WDR7: variants seen among roughly 807,000 people sequenced by gnomAD.
The protein encoded by WDR7 is WD repeat domain 7, also known as WD repeat-containing protein 7.
In WDR7, 46 loss-of-function variants were observed where a neutral mutation model predicts 169.4. The observed-to-expected ratio is 0.27, with a 90% CI of 0.21 to 0.35. WDR7 has a LOEUF of 0.35. Among genes scored for constraint, WDR7 ranks in the 10% least tolerant of loss-of-function variants. The pLI is 1.00. For synonymous variants in WDR7, 612 were observed against 666.8 expected (o/e 0.92, Z 1.27); for missense variants, 1,534 against 1,859.3 (o/e 0.83, Z 3.22).
intron 21 of WDR7, among the ~76,000 whole-genome samples, chr18:56,887,278 AC>A (rs2046210128): frequency 6.6e-6 from 1 of 152,164 alleles, no homozygotes; most frequent in Admixed American, 6.5e-5. Flanking sequence ...CCTGGGCTGA[AC>A]GGCACTATGG....
At chr18:56,940,012 T>C (rs2047013146) in intron 25 of WDR7, among the ~76,000 whole-genome samples, 1 of 151,952 alleles carries the variant, frequency 6.6e-6, no homozygotes, top group Non-Finnish European at 1.5e-5. Flanking sequence ...AGTAACGTTA[T>C]GTTTATTTTT....
At chr18:56,754,009 T>C (rs1431605590) in intron 14 of WDR7, among the ~76,000 whole-genome samples, 1 of 151,934 alleles carries the variant, frequency 6.6e-6, no homozygotes, top group East Asian at 1.9e-4. Context: ...ATCTAAGAAA[T>C]ATATAGCAAT....
intron 1 of WDR7, among the ~76,000 whole-genome samples, chr18:56,664,158 C>T (rs997658140): frequency 2.0e-5 from 3 of 152,190 alleles, no homozygotes; most frequent in African/African-American, 7.2e-5. Flanking sequence ...TATTGCTTGT[C>T]TCTGCCATAT....
At chr18:56,671,698 C>T (rs1316258639) in intron 1 of WDR7, among the ~76,000 whole-genome samples, 3 of 152,352 alleles carry the variant, frequency 2.0e-5, no homozygotes, top group Admixed American at 2.0e-4. Flanking sequence ...AGAAAGACCA[C>T]AGGTTCTGAA....
chr18:56,789,346 A>G (rs1250623825), intron 19 of WDR7, among the ~76,000 whole-genome samples: 1 of 152,246 alleles, frequency 6.6e-6, no homozygotes, highest in African/African-American at 2.4e-5. Flanking sequence ...TAAGTAATAA[A>G]CAGAAAATTC....
intron 25 of WDR7, among the ~76,000 whole-genome samples, chr18:56,949,150 C>T (rs1218961458): frequency 6.7e-6 from 1 of 149,056 alleles, no homozygotes; most frequent in Non-Finnish European, 1.5e-5. Flanking sequence ...CTCTCTCTCT[C>T]TCTCTTTCCC....
At chr18:56,817,703 G>A (rs968036259) in intron 20 of WDR7, among the ~76,000 whole-genome samples, 2 of 151,378 alleles carry the variant, frequency 1.3e-5, no homozygotes, top group African/African-American at 2.4e-5. Flanking sequence ...TACAATTATA[G>A]AATTTGTTTT....
intron 1 of WDR7, among the ~76,000 whole-genome samples, chr18:56,666,377 A>G (rs1290746262): frequency 6.6e-6 from 1 of 151,126 alleles, no homozygotes; most frequent in African/African-American, 2.4e-5. Context: ...CTAATTTTTT[A>G]TTTTTAGTAG....
intron 27 of WDR7, among the ~76,000 whole-genome samples, chr18:57,026,552 T>C (rs2048368730): frequency 6.6e-6 from 1 of 152,236 alleles, no homozygotes; most frequent in Non-Finnish European, 1.5e-5. Flanking sequence ...CTCTATCTAC[T>C]GCTTAACTTT....
chr18:56,766,424 T>C (rs948706063), intron 16 of WDR7, among the ~76,000 whole-genome samples: 2 of 152,246 alleles, frequency 1.3e-5, no homozygotes, highest in African/African-American at 4.8e-5. Context: ...GGTGCTCTTT[T>C]ATTTCGGGAT....
chr18:56,711,583 C>T (rs578049468), intron 12 of WDR7, among the ~76,000 whole-genome samples: 4 of 151,980 alleles, frequency 2.6e-5, no homozygotes, highest in Non-Finnish European at 4.4e-5. Flanking sequence ...GACATTAAAA[C>T]TAGTCCTTAA....
chr18:57,007,656 A>G (rs2048082399), intron 26 of WDR7, among the ~76,000 whole-genome samples: 1 of 152,186 alleles, frequency 6.6e-6, no homozygotes, highest in Admixed American at 6.5e-5. Context: ...ATCCTCTTTT[A>G]AAGGTGATTT....
chr18:56,913,772 G>A (rs2046585268), intron 21 of WDR7, among the ~76,000 whole-genome samples: 3 of 151,806 alleles, frequency 2.0e-5, no homozygotes, highest in Non-Finnish European at 4.4e-5. Flanking sequence ...TCCAGCCTGG[G>A]TGACAGAGTG....
chr18:57,030,943 G>C (rs904647813), downstream of WDR7: 40 of 149,968 alleles, frequency 2.7e-4, no homozygotes, highest in Non-Finnish European at 4.6e-4. Flanking sequence ...AATGAACTAA[G>C]CTCACAATTG....
intron 12 of WDR7, chr18:56,699,755 T>C (rs2144658964): frequency 2.2e-6 from 2 of 909,236 alleles, no homozygotes; most frequent in Non-Finnish European, 2.6e-6. Context: ...GAAAAAGTAC[T>C]CAGCTAAATA....
intron 26 of WDR7, among the ~76,000 whole-genome samples, chr18:56,986,664 C>A (rs541020783): frequency 1.3e-5 from 2 of 152,074 alleles, no homozygotes; most frequent in African/African-American, 4.8e-5. Flanking sequence ...AATCTAGCTG[C>A]TTCTCAGCTG....
intron 20 of WDR7, among the ~76,000 whole-genome samples, chr18:56,825,556 G>C (rs1000004806): frequency 2.3e-4 from 35 of 152,106 alleles, no homozygotes; most frequent in African/African-American, 8.5e-4. Flanking sequence ...GCCACAGATA[G>C]GAAATGACAA....
intron 20 of WDR7, among the ~76,000 whole-genome samples, chr18:56,861,099 T>A (rs2045797927): frequency 6.8e-6 from 1 of 147,254 alleles, no homozygotes; most frequent in Non-Finnish European, 1.5e-5. Context: ...ATACATCAAT[T>A]ACGTGAAACA....
At chr18:56,857,778 G>A (rs1200503820) in intron 20 of WDR7, among the ~76,000 whole-genome samples, 2 of 152,144 alleles carry the variant, frequency 1.3e-5, no homozygotes, top group Non-Finnish European at 2.9e-5. Flanking sequence ...ATGCTGCTGG[G>A]AGGCTTTGCA....
Sources: allele counts gnomAD v4.1 joint callset (sites outside exome capture counted in the v4.1 genomes callset), GRCh38; gene constraint gnomAD v4.1.1; transcripts MANE v1.5; gene names NCBI Gene and HGNC (gene_info 2026-07-23, HGNC 2026-07-21).